The following ACAP2 variants were observed in gnomAD, a reference collection of about 807,000 sequenced individuals.
The protein encoded by ACAP2 is arf-GAP with coiled-coil, ANK repeat and PH domain-containing protein 2.
In ACAP2, 39 loss-of-function variants were observed where a neutral mutation model predicts 115.8. That is an observed-to-expected ratio of 0.34 (90% CI 0.26 to 0.44). The LOEUF (loss-of-function observed/expected upper bound fraction) is 0.44, where lower values mean the gene tolerates loss of function less well. ACAP2 is among the 20% of genes least tolerant of loss of function. The probability of loss-of-function intolerance (pLI) is 1.00; values close to 1 mark genes in which losing one functional copy is unlikely to be tolerated. For missense variants in ACAP2, 662 were observed against 927.6 expected (o/e 0.71, Z 3.72); for synonymous variants, 289 against 315.8 (o/e 0.92, Z 0.90).
chr3:195,356,817 A>G (rs1230637775), intron 4 of ACAP2, among the ~76,000 whole-genome samples: 4 of 151,814 alleles, frequency 2.6e-5, no homozygotes, highest in African/African-American at 7.3e-5. Context: ...CTGAATAATC[A>G]CCAGCAGCAA....
intron 9 of ACAP2, chr3:195,325,598 A>G (rs74980594): frequency 0.032 from 11,776 of 364,084 alleles, 501 homozygotes; most frequent in East Asian, 0.11. Flanking sequence ...CCATTTTTGA[A>G]GCTTCAGTAC....
At chr3:195,321,610 C>CA (rs1729459696) in intron 9 of ACAP2, among the ~76,000 whole-genome samples, 1 of 99,334 alleles carries the variant, frequency 1.0e-5, no homozygotes, top group African/African-American at 4.3e-5. Flanking sequence ...ATGGTAGTTC[C>CA]TTTTTTTTTT....
At chr3:195,337,020 A>C (rs764421318) in intron 6 of ACAP2, 44 bp from the exon 7 acceptor site, 25 of 1,526,756 alleles carry the variant, frequency 1.6e-5, no homozygotes, top group Non-Finnish European at 2.2e-5. Flanking sequence ...CATTATTTTA[A>C]AGCTAATCCA....
rs560355504 is a variant in ACAP2, at chr3:195,350,253, T to G, written c.286-4936A>C. Among the ~76,000 whole-genome samples the G allele has an allele frequency of 1.8e-4, 28 of 152,154 alleles. 1 individual carries two copies. The highest frequency in any genetic ancestry group is 3.2e-4 in the Non-Finnish European group (22 of 68,034). ...AAGTTATATGAAAACATAAAGGACC[T>G]AGAATAGCCAAAATAACTTTGAAAA... On this transcript the variant is annotated intron_variant, in intron 4 of 22. Transcript: ENST00000326793.
chr3:195,382,932 G>A (rs1022161878), intron 2 of ACAP2, among the ~76,000 whole-genome samples: 1 of 151,446 alleles, frequency 6.6e-6, no homozygotes, highest in African/African-American at 2.4e-5. Flanking sequence ...ACCAGGGAAG[G>A]ATTCCTAGAA....
Position 195,330,418 on chromosome 3 carries a change from C to A in ACAP2, c.669+2610G>T, listed in dbSNP as rs866548664. Among the ~76,000 whole-genome samples the A allele has an allele frequency of 2.0e-5, 3 of 152,192 alleles. No homozygotes were observed. The Middle Eastern group carries it at 0.01, about 518-fold the overall frequency. ...ATTTGAGATCTAGAGAGGGGGTAAACCTATAAAACTAAAATGATTAAATGT... is the reference window on the plus strand; with the variant it reads ...ATTTGAGATCTAGAGAGGGGGTAAAACTATAAAACTAAAATGATTAAATGT... On this transcript the variant is annotated intron_variant, in intron 8 of 22. Coordinates refer to ENST00000326793, the MANE Select transcript of ACAP2 (RefSeq NM_012287.6).
At chr3:195,298,701 G>A (rs112184031) in intron 15 of ACAP2, among the ~76,000 whole-genome samples, 3,288 of 151,920 alleles carry the variant, frequency 0.022, 115 homozygotes, top group East Asian at 0.1. Context: ...GCACAATCTC[G>A]GCTCACTGCA....
At chr3:195,304,857 AAAG>A (rs1427981880) in intron 13 of ACAP2, among the ~76,000 whole-genome samples, 1 of 152,216 alleles carries the variant, frequency 6.6e-6, no homozygotes, top group African/African-American at 2.4e-5. Flanking sequence ...CAGAGTTTCC[AAAG>A]AAGTTTTTAG....
intron 1 of ACAP2, among the ~76,000 whole-genome samples, chr3:195,395,945 C>G (rs1192139207): frequency 6.6e-6 from 1 of 151,876 alleles, no homozygotes; most frequent in Non-Finnish European, 1.5e-5. Flanking sequence ...AAATAGTTAC[C>G]TAAAAACATA....
chr3:195,351,298 G>C (rs1332544293), intron 4 of ACAP2, among the ~76,000 whole-genome samples: 4 of 151,840 alleles, frequency 2.6e-5, no homozygotes. Flanking sequence ...TGTACTTTTA[G>C]TAGAGACAGA....
intron 1 of ACAP2, among the ~76,000 whole-genome samples, chr3:195,418,541 C>G (rs933102673): frequency 2.0e-5 from 3 of 152,180 alleles, no homozygotes; most frequent in African/African-American, 7.2e-5. Flanking sequence ...TCTCCAACCT[C>G]ATGCTTCAGC....
At chr3:195,343,532 C>G (rs1731006680) in intron 5 of ACAP2, among the ~76,000 whole-genome samples, 1 of 152,158 alleles carries the variant, frequency 6.6e-6, no homozygotes, top group Non-Finnish European at 1.5e-5. Flanking sequence ...CTCAAGCGAT[C>G]CTCACACCTC....
At chr3:195,382,793 C>T (rs1734037222) in intron 2 of ACAP2, among the ~76,000 whole-genome samples, 1 of 151,718 alleles carries the variant, frequency 6.6e-6, no homozygotes, top group Non-Finnish European at 1.5e-5. Context: ...ATCACCTCTG[C>T]TCTCAAAAAC....
At position 195,326,925 on chromosome 3, in the gene ACAP2, T is replaced by G. The variant is rs1238894013; in HGVS notation, c.704A>C (p.Lys235Thr). The G allele has an allele frequency of 1.2e-6, 2 of 1,613,896 alleles. No individual in the cohort carries two copies. Among genetic ancestry groups the G allele is most frequent in the African/African-American group, 2.7e-5 (2 of 74,902 alleles). ...DRLVVDAAKEKREMEQKHSTI... is the reference protein window; with the variant it reads ...DRLVVDAAKETREMEQKHSTI... ...GGAATGTTTTTGCTCCATTTCTCTT[T>G]TCTCCTTTGCTGCATCCACAACCAG... The change falls in exon 9 of 23, where the codon AAA (lysine) becomes ACA (threonine). Residue 235 changes from lysine to threonine, a missense_variant. Coordinates refer to ENST00000326793, the MANE Select transcript of ACAP2 (RefSeq NM_012287.6).
At chr3:195,412,190 A>G (rs1449314900) in intron 1 of ACAP2, among the ~76,000 whole-genome samples, 10 of 142,530 alleles carry the variant, frequency 7.0e-5, no homozygotes, top group African/African-American at 2.6e-4. Flanking sequence ...AAAAAAAAAA[A>G]GAATTGGCTT....
chr3:195,300,038 TTTTTTC>T (rs955715660), intron 15 of ACAP2, among the ~76,000 whole-genome samples: 24 of 34,814 alleles, frequency 6.9e-4, no homozygotes, highest in African/African-American at 1.8e-3. Flanking sequence ...TTTTTTCTTT[TTTTTTC>T]TTTTTTTTTT....
chr3:195,301,468 A>G (rs1162731564), intron 15 of ACAP2, 107 bp downstream of exon 15: 2 of 834,464 alleles, frequency 2.4e-6, no homozygotes, highest in Non-Finnish European at 3.8e-6. Context: ...CAATTTAGCT[A>G]GCATACATTG....
intron 20 of ACAP2, among the ~76,000 whole-genome samples, chr3:195,291,249 C>T (rs79964424): frequency 0.035 from 5,325 of 152,236 alleles, 166 homozygotes; most frequent in East Asian, 0.1. Flanking sequence ...ACAATGTCAA[C>T]AACCCAAAGT....
chr3:195,395,300 G>C lies in ACAP2; in HGVS notation c.54-3153C>G, dbSNP rs74289303. ...ACATTAATAATGAAATAAAATATATGACTGAGCAGCAAAATGAGCAAAACA... is the reference window on the plus strand; with the variant it reads ...ACATTAATAATGAAATAAAATATATCACTGAGCAGCAAAATGAGCAAAACA... On this transcript the variant is annotated intron_variant, in intron 1 of 22. Transcript: ENST00000326793. 9.1e-4 allele frequency among the ~76,000 whole-genome samples: 139 copies of C among 152,136 alleles called. 1 individual carries two copies. The East Asian group carries it at 0.026, about 28-fold the overall frequency.
Sources: gnomAD v4.1 joint callset for allele counts (sites outside exome capture counted in the v4.1 genomes callset) on GRCh38, gnomAD v4.1.1 for gene constraint, MANE v1.5 for transcripts, NCBI Gene and HGNC (gene_info 2026-07-23, HGNC 2026-07-21) for gene names.